The following ITGBL1 variants were observed in gnomAD, a reference collection of about 807,000 sequenced individuals.
ITGBL1 encodes the protein integrin beta-like protein 1.
ITGBL1 carries 51 observed loss-of-function variants against 68.5 expected under a neutral mutation model. The observed-to-expected ratio is 0.74, with a 90% CI of 0.59 to 0.94. The LOEUF (loss-of-function observed/expected upper bound fraction) is 0.94, where lower values mean the gene tolerates loss of function less well. ITGBL1 is among the 40% of genes least tolerant of loss of function. The pLI, the probability that ITGBL1 is intolerant of heterozygous loss-of-function variation, is 0.00. For missense variants in ITGBL1, 649 were observed against 647.4 expected (o/e 1.00, Z -0.03); for synonymous variants, 209 against 227.3 (o/e 0.92, Z 0.72).
intron 7 of ITGBL1, 113 bp downstream of exon 7, chr13:101,598,412 T>A (rs1187970508): frequency 2.4e-6 from 2 of 818,708 alleles, no homozygotes; most frequent in African/African-American, 3.6e-5. Flanking sequence ...GCTTTTTGGT[T>A]TTTTTGTTTT....
intron 8 of ITGBL1, among the ~76,000 whole-genome samples, chr13:101,694,357 G>T (rs2033954832): frequency 1.3e-5 from 2 of 152,052 alleles, no homozygotes; most frequent in African/African-American, 4.8e-5. Flanking sequence ...AAGCTTGCCT[G>T]GCCCCTTGAA....
At chr13:101,704,803 G>A (rs1348786925) in intron 8 of ITGBL1, among the ~76,000 whole-genome samples, 6 of 152,172 alleles carry the variant, frequency 3.9e-5, no homozygotes, top group Non-Finnish European at 5.9e-5. Context: ...TTACATGCAT[G>A]CTACTTTTAA....
chr13:101,583,226 A>G lies in ITGBL1; in HGVS notation c.738A>G (p.Val246=), dbSNP rs1263399471. 2 of 1,613,582 alleles carry G rather than the reference A, an allele frequency of 1.2e-6. No homozygotes were observed. Among genetic ancestry groups the G allele is most frequent in the African/African-American group, 1.3e-5 (1 of 74,848 alleles). Residue 246 remains valine, a synonymous_variant, in exon 6 of 11, where the codon GTA becomes GTG. Coordinates refer to ENST00000376180, the MANE Select transcript of ITGBL1 (RefSeq NM_004791.3). The stretch of plus-strand genomic sequence containing the variant: ...CTTCTTCCCACCTAGGGACTTGTGT[A>G]TGTGGTGAATGTACCTGTCACGATG... The part of the protein sequence containing the change: ...GKICSNRGTC[V]CGECTCHDVD...
intron 7 of ITGBL1, among the ~76,000 whole-genome samples, chr13:101,600,346 A>G (rs1175768104): frequency 1.8e-4 from 27 of 152,162 alleles, no homozygotes; most frequent in Non-Finnish European, 2.9e-4. Flanking sequence ...GGCTGAGACA[A>G]TGGGGTTTTC....
At chr13:101,499,974 T>C (rs569195711) in intron 2 of ITGBL1, among the ~76,000 whole-genome samples, 14 of 152,302 alleles carry the variant, frequency 9.2e-5, no homozygotes, top group South Asian at 6.2e-4. Flanking sequence ...CTGGCTGGCC[T>C]TGGGCCTGTC....
chr13:101,676,325 TATATAG>T (rs1296078315), intron 7 of ITGBL1, among the ~76,000 whole-genome samples: 2 of 152,092 alleles, frequency 1.3e-5, no homozygotes, highest in African/African-American at 2.4e-5. Context: ...TTCTGGCAGA[TATATAG>T]ATATAGATAT....
intron 7 of ITGBL1, among the ~76,000 whole-genome samples, chr13:101,652,863 C>T (rs1292914412): frequency 6.6e-6 from 1 of 151,972 alleles, no homozygotes; most frequent in African/African-American, 2.4e-5. Context: ...TTTGGGAGGC[C>T]GAGGCGGGCA....
intron 2 of ITGBL1, among the ~76,000 whole-genome samples, chr13:101,555,604 C>T (rs751144464): frequency 6.6e-5 from 10 of 151,982 alleles, no homozygotes; most frequent in African/African-American, 1.2e-4. Context: ...ACACAGACAA[C>T]GCACACAAGA....
At chr13:101,499,036 C>A (rs1206167815) in intron 2 of ITGBL1, among the ~76,000 whole-genome samples, 12 of 152,084 alleles carry the variant, frequency 7.9e-5, no homozygotes, top group African/African-American at 2.9e-4. Flanking sequence ...CAATTATCTC[C>A]CTCTCACAAC....
intron 7 of ITGBL1, among the ~76,000 whole-genome samples, chr13:101,654,953 G>A (rs1041668471): frequency 5.3e-5 from 8 of 152,146 alleles, no homozygotes; most frequent in Non-Finnish European, 1.2e-4. Flanking sequence ...AGAAGAAGGT[G>A]TATGGGTATA....
Position 101,591,841 on chromosome 13 carries a change from G to A in ITGBL1, c.869-6312G>A, listed in dbSNP as rs1361091005. 5.3e-5 allele frequency among the ~76,000 whole-genome samples: 8 copies of A among 152,128 alleles called. No individual in the cohort carries two copies. In the East Asian group the frequency reaches 1.4e-3, roughly 26 times the overall value. ...GAAATCTACTTTGTTCTATATCTGC[G>A]GTGATGAGTAGCTTCATGTTTATTA... On this transcript the variant is annotated intron_variant, in intron 6 of 10. Coordinates refer to ENST00000376180, the MANE Select transcript of ITGBL1 (RefSeq NM_004791.3).
chr13:101,469,874 G>GA (rs2048433744), intron 2 of ITGBL1, among the ~76,000 whole-genome samples: 1 of 152,186 alleles, frequency 6.6e-6, no homozygotes, highest in Non-Finnish European at 1.5e-5. Context: ...GAATGCTCTG[G>GA]AAAATGCTTG....
At chr13:101,568,918 T>A (rs186812392) in intron 3 of ITGBL1, among the ~76,000 whole-genome samples, 7 of 152,116 alleles carry the variant, frequency 4.6e-5, no homozygotes, top group Admixed American at 4.6e-4. Context: ...AGCAGTTAGG[T>A]CCCTTTCTGT....
At chr13:101,519,173 G>T (rs530742874) in intron 2 of ITGBL1, among the ~76,000 whole-genome samples, 10 of 152,042 alleles carry the variant, frequency 6.6e-5, no homozygotes, top group Non-Finnish European at 1.5e-4. Flanking sequence ...CTTTTTGGGG[G>T]TGATGTGAGA....
chr13:101,611,913 A>G (rs1269027392), intron 7 of ITGBL1, among the ~76,000 whole-genome samples: 2 of 152,180 alleles, frequency 1.3e-5, no homozygotes, highest in Admixed American at 1.3e-4. Flanking sequence ...CTAAGATCTG[A>G]CTAACTACGT....
intron 7 of ITGBL1, among the ~76,000 whole-genome samples, chr13:101,649,466 AG>A (rs941352342): frequency 1.1e-4 from 16 of 152,190 alleles, no homozygotes; most frequent in African/African-American, 3.9e-4. Context: ...AAATGATTAA[AG>A]AAATTAAAGT....
chr13:101,471,623 G>T (rs2048462288), intron 2 of ITGBL1, among the ~76,000 whole-genome samples: 1 of 152,020 alleles, frequency 6.6e-6, no homozygotes, highest in Non-Finnish European at 1.5e-5. Flanking sequence ...AGCTAGGCAA[G>T]CCTGGACTTC....
chr13:101,489,938 A>G (rs890944080), intron 2 of ITGBL1: 36 of 1,491,100 alleles, frequency 2.4e-5, no homozygotes, highest in Middle Eastern at 1.7e-4. Flanking sequence ...CAGAAAACAA[A>G]ATATTTTTAC....
At chr13:101,647,001 C>G (rs940734791) in intron 7 of ITGBL1, among the ~76,000 whole-genome samples, 2 of 152,008 alleles carry the variant, frequency 1.3e-5, no homozygotes, top group Non-Finnish European at 2.9e-5. Context: ...GTAATAGACC[C>G]TGAGTGGTAC....
Sources: gnomAD v4.1 joint callset for allele counts (sites outside exome capture counted in the v4.1 genomes callset) on GRCh38, gnomAD v4.1.1 for gene constraint, MANE v1.5 for transcripts, NCBI Gene and HGNC (gene_info 2026-07-23, HGNC 2026-07-21) for gene names.